The following POLG2 variants were observed in gnomAD, a reference collection of about 807,000 sequenced individuals.
POLG2 encodes DNA polymerase gamma 2, accessory subunit, also known as DNA polymerase subunit gamma-2.
A neutral mutation model predicts 56.5 loss-of-function variants in POLG2; 50 were observed. The observed-to-expected ratio is 0.88, with a 90% CI of 0.71 to 1.12. The LOEUF (loss-of-function observed/expected upper bound fraction) is 1.12. Among genes scored for constraint, POLG2 ranks in the 50% most tolerant of loss-of-function variants. The pLI is 0.00. For synonymous variants in POLG2, 226 were observed against 222.6 expected, an observed-to-expected ratio of 1.02 and a Z score of -0.14; for missense variants, 584 against 583.3, an observed-to-expected ratio of 1.00 and a Z score of -0.01.
chr17:64,494,944 C>A (rs373001227), intron 1 of POLG2, among the ~76,000 whole-genome samples: 1 of 149,842 alleles, frequency 6.7e-6, no homozygotes, highest in Non-Finnish European at 1.5e-5. Flanking sequence ...GAGGCCGAGG[C>A]GGGCGGATCA....
chr17:64,480,841 G>C (rs2037845005), intron 6 of POLG2, among the ~76,000 whole-genome samples: 1 of 152,156 alleles, frequency 6.6e-6, no homozygotes, highest in Non-Finnish European at 1.5e-5. Context: ...AGAAAAAGGA[G>C]AGTGGTATTC....
chr17:64,492,668 T>C lies in POLG2; in HGVS notation c.794A>G (p.Lys265Arg). 2 of 1,586,486 alleles carry C rather than the reference T, an allele frequency of 1.3e-6. No individual in the cohort carries two copies. Among genetic ancestry groups the C allele is most frequent in the Non-Finnish European group, 1.7e-6 (2 of 1,156,074 alleles). Residue 265 changes from lysine to arginine, a missense_variant and splice_region_variant, in exon 3 of 8, where the codon AAG becomes AGG. By Grantham distance (26) the Lys-to-Arg change is conservative. Transcript: ENST00000539111. Reference sequence around the variant, plus strand: ...AATTAAAGGTAATTATTGCAGTACCTTTCTCCACCACTGGAGTCGATGACG... The same window carrying C: ...AATTAAAGGTAATTATTGCAGTACCCTTCTCCACCACTGGAGTCGATGACG... ...WLRHRLQWWR[K>R]FAMSPSNFSS...
chr17:64,489,911 A>G (rs2038027064), intron 4 of POLG2, among the ~76,000 whole-genome samples: 1 of 152,076 alleles, frequency 6.6e-6, no homozygotes, highest in Non-Finnish European at 1.5e-5. Flanking sequence ...AACACTTATT[A>G]ATTACTAGTT....
At position 64,495,390 on chromosome 17, in the gene POLG2, G is replaced by A. The variant is rs564905857; in HGVS notation, c.562+1017C>T. Reference sequence around the variant, plus strand: ...AGCTCAGGAGTTCAAGACCAGCCTGGACAACATGGCAAAACCTCATCTCTA... The same window carrying A: ...AGCTCAGGAGTTCAAGACCAGCCTGAACAACATGGCAAAACCTCATCTCTA... On this transcript the variant is annotated intron_variant, in intron 1 of 7. Transcript: ENST00000539111. Among the ~76,000 whole-genome samples the A allele has an allele frequency of 2.6e-4, 39 of 152,128 alleles. No individual in the cohort carries two copies. In the South Asian group the frequency reaches 6.0e-3, roughly 24 times the overall value.
At chr17:64,482,419 T>C (rs1555666699) in intron 6 of POLG2, among the ~76,000 whole-genome samples, 1 of 151,994 alleles carries the variant, frequency 6.6e-6, no homozygotes, top group African/African-American at 2.4e-5. Flanking sequence ...CCTCCTAGGT[T>C]CAAGTGATTC....
chr17:64,496,711 A>G lies in POLG2; in HGVS notation c.258T>C (p.Leu86=), dbSNP rs1289378905. The G allele has an allele frequency of 3.1e-6, 5 of 1,613,896 alleles. No homozygotes were observed. In the African/African-American group the frequency reaches 6.7e-5, roughly 22 times the overall value. The part of the protein sequence containing the change: ...RHFLSGSKQQ[L]SRDSLLSGCH... ...ACCCACTCAGAAGAGAATCCCGGCT[A>G]AGCTGCTGCTTGCTTCCACTTAGGA... Residue 86 remains leucine, a synonymous_variant, in exon 1 of 8, where the codon CTT becomes CTC. Coordinates refer to ENST00000539111, the MANE Select transcript of POLG2 (RefSeq NM_007215.4).
chr17:64,491,009 T>C (rs1555668389), intron 3 of POLG2, 40 bp from the exon 4 acceptor site: 1 of 1,431,108 alleles, frequency 7.0e-7, no homozygotes, highest in Non-Finnish European at 9.9e-7. Context: ...CATATTTAAA[T>C]AAACACTAAT....
intron 7 of POLG2, among the ~76,000 whole-genome samples, chr17:64,479,298 C>T (rs1276873460): frequency 1.3e-5 from 2 of 151,780 alleles, no homozygotes; most frequent in Non-Finnish European, 2.9e-5. Flanking sequence ...ATTCTCCTGC[C>T]TCAGCCTCCC....
intron 1 of POLG2, among the ~76,000 whole-genome samples, chr17:64,496,029 C>T (rs78930893): frequency 0.054 from 8,206 of 152,238 alleles, 384 homozygotes; most frequent in Admixed American, 0.14. Context: ...CTATGATATA[C>T]ATGAAATAGT....
chr17:64,479,350 A>AT (rs1462383856), intron 7 of POLG2, among the ~76,000 whole-genome samples: 1 of 151,774 alleles, frequency 6.6e-6, no homozygotes, highest in Non-Finnish European at 1.5e-5. Context: ...TGGCCAGGTA[A>AT]TTTTTTGTAT....
At position 64,496,765 on chromosome 17, in the gene POLG2, C is replaced by G. The variant is rs782720561; in HGVS notation, c.204G>C (p.Ala68=). ...GCCTTCTCTGACAGATCTCTAACAG[C>G]GCCTCGCTTCCCTCTCCAGACCCGG... The part of the protein sequence containing the change: ...EAPGSGEGSE[A]LLEICQRRHF... Residue 68 remains alanine, a synonymous_variant, in exon 1 of 8, where the codon GCG becomes GCC. Transcript: ENST00000539111. The G allele has an allele frequency of 6.2e-7, 1 of 1,613,874 alleles. No individual in the cohort carries two copies. The highest frequency in any genetic ancestry group is 8.5e-7 in the Non-Finnish European group (1 of 1,180,036).
At chr17:64,486,781 G>C (rs1458894667) in intron 4 of POLG2, 10 of 152,128 alleles carry the variant, frequency 6.6e-5, no homozygotes, top group Non-Finnish European at 1.3e-4. Flanking sequence ...GAAACGTAAA[G>C]TTATTTTCAT....
intron 6 of POLG2, among the ~76,000 whole-genome samples, chr17:64,480,902 C>G (rs2144131706): frequency 6.6e-6 from 1 of 152,300 alleles, no homozygotes; most frequent in South Asian, 2.1e-4. Context: ...CAACCCATTT[C>G]ACTGGAATGC....
intron 5 of POLG2, among the ~76,000 whole-genome samples, chr17:64,483,585 T>C (rs2037900682): frequency 6.6e-6 from 1 of 151,958 alleles, no homozygotes; most frequent in African/African-American, 2.4e-5. Flanking sequence ...AAATGCTTCT[T>C]TCAGCATCAC....
rs1555668356 is a variant in POLG2 at position 64,490,893 on chromosome 17, T to C, written c.872A>G (p.Tyr291Cys). The change falls in exon 4 of 8, where the codon TAC becomes TGC. Residue 291 changes from tyrosine to cysteine, a missense_variant. Tyr to Cys is a radical substitution (Grantham distance 194, BLOSUM62 -2). Transcript: ENST00000539111. ...EEGRKGNKLYYNFPWGKELIE... is the reference protein window; with the variant it reads ...EEGRKGNKLYCNFPWGKELIE... ...TAACTCCTTTCCCCAGGGAAAATTG[T>C]AGTAAAGTTTGTTTCCTTTCCGGCC... The C allele has an allele frequency of 5.6e-6, 9 of 1,613,830 alleles. No individual in the cohort carries two copies. Among genetic ancestry groups the C allele is most frequent in the Admixed American group, 1.7e-5 (1 of 60,028 alleles).
intron 1 of POLG2, 127 bp from the exon 2 acceptor site, chr17:64,493,148 T>C: frequency 9.5e-7 from 1 of 1,053,066 alleles, no homozygotes; most frequent in Non-Finnish European, 1.4e-6. Flanking sequence ...CTAAGCTTGG[T>C]GGCTCACGCC....
At chr17:64,480,911 G>A (rs1186008096) in intron 6 of POLG2, among the ~76,000 whole-genome samples, 3 of 152,202 alleles carry the variant, frequency 2.0e-5, no homozygotes, top group African/African-American at 7.2e-5. Flanking sequence ...TCACTGGAAT[G>A]CTGGAGACAA....
At chr17:64,489,907 TATTA>T (rs2038026985) in intron 4 of POLG2, among the ~76,000 whole-genome samples, 1 of 152,156 alleles carries the variant, frequency 6.6e-6, no homozygotes, top group Non-Finnish European at 1.5e-5. Flanking sequence ...CCACAACACT[TATTA>T]ATTACTAGTT....
intron 1 of POLG2, among the ~76,000 whole-genome samples, chr17:64,494,688 T>C (rs2038120538): frequency 6.6e-6 from 1 of 152,182 alleles, no homozygotes; most frequent in Non-Finnish European, 1.5e-5. Flanking sequence ...TATCTTAATG[T>C]TCAATTTGTC....
Sources: gnomAD v4.1 joint callset for allele counts (sites outside exome capture counted in the v4.1 genomes callset) on GRCh38, gnomAD v4.1.1 for gene constraint, MANE v1.5 for transcripts, NCBI Gene and HGNC (gene_info 2026-07-23, HGNC 2026-07-21) for gene names.